The following YAF2 variants were observed in gnomAD, a reference collection of about 807,000 sequenced individuals.
The protein encoded by YAF2 is YY1 associated factor 2, also known as YY1-associated factor 2.
A neutral mutation model predicts 20.1 loss-of-function variants in YAF2; 7 were observed. The ratio of observed to expected loss-of-function variants is 0.35; its 90% confidence interval spans 0.20 to 0.65. The LOEUF (loss-of-function observed/expected upper bound fraction) is 0.65, where lower values mean the gene tolerates loss of function less well. Ranked by LOEUF, YAF2 falls within the 30% of genes least tolerant of loss-of-function variation. The probability of loss-of-function intolerance (pLI) is 0.69; values close to 1 mark genes in which losing one functional copy is unlikely to be tolerated. For missense variants in YAF2, 151 were observed against 219.2 expected (o/e 0.69, Z 1.96); for synonymous variants, 74 against 76.0 (o/e 0.97, Z 0.14).
At chr12:42,205,328 A>G (rs2067009956) in intron 2 of YAF2, among the ~76,000 whole-genome samples, 1 of 151,318 alleles carries the variant, frequency 6.6e-6, no homozygotes, top group African/African-American at 2.4e-5. Context: ...AACTGCAAAC[A>G]ACCAGCTTTG....
chr12:42,212,681 T>C (rs2067246593), intron 2 of YAF2, among the ~76,000 whole-genome samples: 1 of 152,248 alleles, frequency 6.6e-6, no homozygotes, highest in Non-Finnish European at 1.5e-5. Context: ...TGAGGTCATA[T>C]TTGTATTTGT....
Position 42,157,567 on chromosome 12 carries a change from A to C in YAF2, c.*3022T>G, listed in dbSNP as rs1352645741. 2 of 152,200 alleles carry C rather than the reference A, an allele frequency of 1.3e-5. No homozygotes were observed. Among genetic ancestry groups the C allele is most frequent in the Non-Finnish European group, 2.9e-5 (2 of 68,026 alleles). 9.4% of individuals were successfully genotyped at this position (152,200 alleles called of 1,614,324 possible). A position where few individuals can be genotyped will look rare whatever the true frequency, so the allele number is the denominator to read the frequency against. ...TGCAGAGGCTACATTCTTTCAGTCT[A>C]TAAGGATCTTTATCTAAAAGTTAAT... is the stretch of plus-strand genomic sequence containing the variant. On this transcript the variant is annotated 3_prime_UTR_variant, in exon 4 of 4. Transcript: ENST00000534854.
intron 2 of YAF2, among the ~76,000 whole-genome samples, chr12:42,194,826 C>T (rs1254749856): frequency 6.6e-6 from 1 of 152,112 alleles, no homozygotes; most frequent in African/African-American, 2.4e-5. Context: ...TGCAAACATA[C>T]ATAAGTTCAA....
intron 2 of YAF2, among the ~76,000 whole-genome samples, chr12:42,176,792 T>C (rs1409242563): frequency 6.6e-6 from 1 of 151,980 alleles, no homozygotes; most frequent in African/African-American, 2.4e-5. Flanking sequence ...CGAAACCCCG[T>C]CACCACTAAA....
At position 42,160,458 on chromosome 12, in the gene YAF2, C is replaced by A. The variant is rs577925331; in HGVS notation, c.*131G>T. The A allele has an allele frequency of 1.4e-6, 1 of 706,814 alleles. No individual in the cohort carries two copies. The highest frequency in any genetic ancestry group is 1.8e-5 in the African/African-American group (1 of 55,566). The allele number at this position is 706,814 out of a possible 1,614,324, so 43.8% of individuals were successfully genotyped here. On this transcript the variant is annotated 3_prime_UTR_variant, in exon 4 of 4. Transcript: ENST00000534854. ...AAATCTAACAAATTCTAACAAATTT[C>A]TATTTTATGTAAAACTCAAATTATG...
At chr12:42,179,775 C>A (rs2066292555) in intron 2 of YAF2, among the ~76,000 whole-genome samples, 1 of 140,760 alleles carries the variant, frequency 7.1e-6, no homozygotes, top group African/African-American at 2.8e-5. Context: ...TGAAGTGAGA[C>A]CCTGTCTAAA....
At chr12:42,210,310 T>TG in intron 2 of YAF2, 2 of 1,352,234 alleles carry the variant, frequency 1.5e-6, no homozygotes, top group South Asian at 1.3e-5. Context: ...GGACAAAATT[T>TG]GGGGGGAAAA....
chr12:42,199,195 T>C, intron 2 of YAF2: 1 of 1,289,280 alleles, frequency 7.8e-7, no homozygotes, highest in Non-Finnish European at 1.0e-6. Context: ...GCCAGCAGGA[T>C]TGTTCCACCA....
chr12:42,205,142 A>C (rs1397036767), intron 2 of YAF2, among the ~76,000 whole-genome samples: 1 of 151,550 alleles, frequency 6.6e-6, no homozygotes, highest in Non-Finnish European at 1.5e-5. Context: ...TTTCTTGTAT[A>C]GACAAATTTG....
chr12:42,167,382 TCC>T (rs1330775396), intron 2 of YAF2, among the ~76,000 whole-genome samples: 1 of 152,018 alleles, frequency 6.6e-6, no homozygotes, highest in African/African-American at 2.4e-5. Context: ...ATAACTAAGA[TCC>T]CGTTATATAT....
intron 2 of YAF2, among the ~76,000 whole-genome samples, chr12:42,163,158 C>T (rs2065836265): frequency 6.6e-6 from 1 of 151,816 alleles, no homozygotes; most frequent in African/African-American, 2.4e-5. Flanking sequence ...TCTCTGGGGA[C>T]CACACTTTAA....
intron 2 of YAF2, among the ~76,000 whole-genome samples, chr12:42,207,807 C>T (rs2067094028): frequency 6.6e-6 from 1 of 152,074 alleles, no homozygotes; most frequent in Non-Finnish European, 1.5e-5. Flanking sequence ...AGGAGAATGG[C>T]GTGAACCCAG....
chr12:42,214,243 GC>G (rs1325432670), intron 2 of YAF2, among the ~76,000 whole-genome samples: 5 of 152,168 alleles, frequency 3.3e-5, no homozygotes, highest in Non-Finnish European at 7.3e-5. Context: ...CTTTCAACTT[GC>G]CGTTAACTAC....
At chr12:42,237,133 G>A (rs895118078) in intron 2 of YAF2, among the ~76,000 whole-genome samples, 2 of 152,136 alleles carry the variant, frequency 1.3e-5, no homozygotes, top group Non-Finnish European at 2.9e-5. Context: ...CCTTCCAGAA[G>A]TACATGTAGA....
intron 2 of YAF2, among the ~76,000 whole-genome samples, chr12:42,236,611 C>T (rs1235660350): frequency 1.3e-5 from 2 of 152,062 alleles, no homozygotes; most frequent in Non-Finnish European, 2.9e-5. Flanking sequence ...AGAAATCTAA[C>T]GTCTACTGAA....
chr12:42,203,342 T>C (rs541271043), intron 2 of YAF2, among the ~76,000 whole-genome samples: 19 of 152,332 alleles, frequency 1.2e-4, no homozygotes, highest in Admixed American at 1.1e-3. Flanking sequence ...ATTTTATTAA[T>C]ACAAACAGTA....
At chr12:42,172,989 G>A (rs916526062) in intron 2 of YAF2, among the ~76,000 whole-genome samples, 2 of 152,038 alleles carry the variant, frequency 1.3e-5, no homozygotes, top group Non-Finnish European at 2.9e-5. Context: ...TCAGGGTTAG[G>A]ACATTAAGGA....
rs764202897 is a variant in YAF2, at chr12:42,235,992, C to T, written c.152+1607G>A. 6.5e-6 allele frequency: 10 copies of T among 1,535,978 alleles called. No individual in the cohort carries two copies. The South Asian group carries it at 7.1e-5, about 11-fold the overall frequency. On this transcript the variant is annotated intron_variant, in intron 2 of 3. Coordinates refer to ENST00000534854, the MANE Select transcript of YAF2 (RefSeq NM_005748.6). ...GGACACCAGCTTCCCCCCTTCCTTG[C>T]TGTCCCTGCAAATAAACATATAGGC...
At chr12:42,218,185 A>AAACAC (rs1555162626) in intron 2 of YAF2, among the ~76,000 whole-genome samples, 9,823 of 140,530 alleles carry the variant, frequency 0.07, 341 homozygotes, top group Admixed American at 0.075. Flanking sequence ...GCTACTAGGA[A>AAACAC]ACACACACAC....
Sources: allele counts gnomAD v4.1 joint callset (sites outside exome capture counted in the v4.1 genomes callset), GRCh38; gene constraint gnomAD v4.1.1; transcripts MANE v1.5; gene names NCBI Gene and HGNC (gene_info 2026-07-23, HGNC 2026-07-21).